Variants in RIOK2 observed in about 807,000 individuals in gnomAD.
RIOK2 encodes RIO kinase 2.
Under a neutral mutation model 62.4 loss-of-function variants are expected in RIOK2, and 46 were observed. That is an observed-to-expected ratio of 0.74 (90% CI 0.58 to 0.94). The LOEUF (loss-of-function observed/expected upper bound fraction) is 0.94, where lower values mean the gene tolerates loss of function less well. RIOK2 is among the 40% of genes least tolerant of loss of function. The pLI is 0.00. For synonymous variants in RIOK2, 197 were observed against 216.0 expected (o/e 0.91, Z 0.77); for missense variants, 574 against 658.0 (o/e 0.87, Z 1.40).
intron 4 of RIOK2, among the ~76,000 whole-genome samples, chr5:97,174,802 G>A (rs908563280): frequency 9.2e-5 from 14 of 152,108 alleles, no homozygotes; most frequent in African/African-American, 2.4e-5. Context: ...ACTTGCAGTG[G>A]TGGCTCACGC....
At position 97,177,794 on chromosome 5, in the gene RIOK2, GT is replaced by G. The variant is rs771040580; in HGVS notation, c.259del (p.Thr87HisfsTer7). ...NAGYDYLALK[T>X]LSSRQVVESV... ...CTCAACTACTTGCCTAGAAGAAAGT[GT>G]TTTCAAAGCTAGGTAATCATATCCT... On this transcript the variant is annotated frameshift_variant, in exon 3 of 10. Coordinates refer to ENST00000283109, the MANE Select transcript of RIOK2 (RefSeq NM_018343.3). LOFTEE classifies it high-confidence loss of function. 1.9e-6 allele frequency: 3 copies of G among 1,613,464 alleles called. No homozygotes were observed. The South Asian group carries it at 3.3e-5, about 18-fold the overall frequency.
intron 9 of RIOK2, among the ~76,000 whole-genome samples, chr5:97,164,060 CTT>C (rs893073859): frequency 2.6e-5 from 4 of 152,004 alleles, no homozygotes; most frequent in Non-Finnish European, 5.9e-5. Context: ...ACCTGGCTAA[CTT>C]TTAAATTTTT....
At chr5:97,167,303 T>G in intron 8 of RIOK2, 164 bp downstream of exon 8, 1 of 1,444,180 alleles carries the variant, frequency 6.9e-7, no homozygotes, top group Non-Finnish European at 9.1e-7. Flanking sequence ...AAGGAAGCTA[T>G]TTTGAGTTTT....
chr5:97,181,431 A>G (rs1319219497), intron 1 of RIOK2, among the ~76,000 whole-genome samples: 3 of 152,122 alleles, frequency 2.0e-5, no homozygotes, highest in African/African-American at 7.2e-5. Flanking sequence ...ATGGAAGAAA[A>G]GGAATGTTTG....
Position 97,162,798 on chromosome 5 carries a change from G to T in RIOK2, c.*263C>A. 2.8e-6 allele frequency: 1 copy of T among 359,166 alleles called. No homozygotes were observed. Among genetic ancestry groups the T allele is most frequent in the Non-Finnish European group, 5.0e-6 (1 of 200,502 alleles). 22.2% of individuals were successfully genotyped at this position (359,166 alleles called of 1,614,324 possible). ...TCAACAAACAGAAAACAACAAAAAT[G>T]TTATTTAGATTTTTAAAAATATGCA... On this transcript the variant is annotated 3_prime_UTR_variant, in exon 10 of 10. Coordinates refer to ENST00000283109, the MANE Select transcript of RIOK2 (RefSeq NM_018343.3).
At chr5:97,168,610 G>A (rs913811595) in intron 7 of RIOK2, 150 bp downstream of exon 7, 2 of 435,518 alleles carry the variant, frequency 4.6e-6, no homozygotes, top group Non-Finnish European at 8.3e-6. Context: ...AAGTTTTTAA[G>A]TTTCAGTTAT....
chr5:97,173,730 G>C (rs1027573198), intron 4 of RIOK2, among the ~76,000 whole-genome samples: 2 of 152,166 alleles, frequency 1.3e-5, no homozygotes, highest in African/African-American at 4.8e-5. Context: ...GGCATTCTAA[G>C]AGATCAGACA....
At chr5:97,180,946 G>C (rs1218874246) in intron 1 of RIOK2, among the ~76,000 whole-genome samples, 1 of 151,958 alleles carries the variant, frequency 6.6e-6, no homozygotes, top group African/African-American at 2.4e-5. Context: ...ATTGAATTTG[G>C]TTTGAGCACT....
chr5:97,166,160 A>G, intron 8 of RIOK2: 1 of 313,984 alleles, frequency 3.2e-6, no homozygotes, highest in South Asian at 2.9e-5. Context: ...TGTTGACTAC[A>G]GATCCTGGGA....
intron 4 of RIOK2, among the ~76,000 whole-genome samples, chr5:97,175,507 G>A (rs1374461646): frequency 6.6e-6 from 1 of 152,040 alleles, no homozygotes; most frequent in East Asian, 1.9e-4. Flanking sequence ...TAAATATCCT[G>A]AAAAACACCT....
chr5:97,179,658 TGCAGGGACATGGGTGAAG>T (rs1471947446), intron 1 of RIOK2, among the ~76,000 whole-genome samples: 1 of 151,814 alleles, frequency 6.6e-6, no homozygotes, highest in Non-Finnish European at 1.5e-5. Flanking sequence ...TCATGCCTTT[TGCAGGGACATGGGTGAAG>T]CTGGAAACCA....
rs374722406 is a variant in RIOK2 at position 97,165,035 on chromosome 5, T to C, written c.1494+16A>G. 6.5e-7 allele frequency: 1 copy of C among 1,526,730 alleles called. No homozygotes were observed. The highest frequency in any genetic ancestry group is 9.0e-7 in the Non-Finnish European group (1 of 1,112,336). 94.6% of individuals were successfully genotyped at this position (1,526,730 alleles called of 1,614,324 possible). On this transcript the variant is annotated intron_variant, in intron 9 of 9. Coordinates refer to ENST00000283109, the MANE Select transcript of RIOK2 (RefSeq NM_018343.3). ...TGATGTAATAAACATTCAGTACATG[T>C]TGAATGACTACTTACTGGAGGAATT...
intron 1 of RIOK2, among the ~76,000 whole-genome samples, chr5:97,182,329 C>G (rs1004146562): frequency 6.6e-6 from 1 of 152,222 alleles, no homozygotes; most frequent in Non-Finnish European, 1.5e-5. Flanking sequence ...TTTGCTCCAG[C>G]CACATTACAT....
chr5:97,180,005 T>TATATATA (rs1561522112), intron 1 of RIOK2, among the ~76,000 whole-genome samples: 5 of 27,454 alleles, frequency 1.8e-4, no homozygotes, highest in Non-Finnish European at 3.6e-4. Context: ...ATATATATAT[T>TATATATA]ATATATATAT....
intron 8 of RIOK2, chr5:97,166,602 G>A (rs1748846489): frequency 7.1e-6 from 2 of 281,290 alleles, no homozygotes; most frequent in Non-Finnish European, 1.1e-5. Flanking sequence ...TTAAGTTTTA[G>A]AACTTTTCCT....
chr5:97,182,420 T>C (rs1413587163), intron 1 of RIOK2, among the ~76,000 whole-genome samples: 1 of 152,196 alleles, frequency 6.6e-6, no homozygotes, highest in African/African-American at 2.4e-5. Flanking sequence ...TCCAACTCTT[T>C]CCAAGGACTT....
rs993973521 is a variant in RIOK2, at chr5:97,177,351, A to G, written c.323-60T>C. 2.9e-6 allele frequency: 4 copies of G among 1,394,578 alleles called. No homozygotes were observed. In the African/African-American group the frequency reaches 5.8e-5, roughly 20 times the overall value. 86.4% of individuals were successfully genotyped at this position (1,394,578 alleles called of 1,614,324 possible). On this transcript the variant is annotated intron_variant, in intron 3 of 9. Coordinates refer to ENST00000283109, the MANE Select transcript of RIOK2 (RefSeq NM_018343.3). ...ACGTTTATTCCAATCAGTTAAAACA[A>G]TTCTAACTTTCTCTAATTTTATTTG...
rs1214495282 is a variant in RIOK2 at position 97,177,745 on chromosome 5, A to C, written c.309T>G (p.Val103=). Reference sequence around the variant, plus strand: ...ATTAGCACTTACCTGATTCTTTGCCAACACCCATCTGGTTTCCAACAGACT... The same window carrying C: ...ATTAGCACTTACCTGATTCTTTGCCCACACCCATCTGGTTTCCAACAGACT... ...VVESVGNQMG[V]GKESDIYIVA... Residue 103 remains valine (V), a synonymous_variant, in exon 3 of 10, where the codon GTT becomes GTG. Coordinates refer to ENST00000283109, the MANE Select transcript of RIOK2 (RefSeq NM_018343.3). 1.2e-6 allele frequency: 2 copies of C among 1,603,028 alleles called. No homozygotes were observed. The highest frequency in any genetic ancestry group is 3.3e-5 in the Admixed American group (2 of 59,802).
intron 2 of RIOK2, 89 bp downstream of exon 2, chr5:97,178,966 G>A (rs1445114340): frequency 6.8e-7 from 1 of 1,465,830 alleles, no homozygotes; most frequent in Non-Finnish European, 9.5e-7. Flanking sequence ...TTACTAGTCT[G>A]GCAACTTCTA....
Sources: allele counts gnomAD v4.1 joint callset (sites outside exome capture counted in the v4.1 genomes callset), GRCh38; gene constraint gnomAD v4.1.1; transcripts MANE v1.5; gene names NCBI Gene and HGNC (gene_info 2026-07-23, HGNC 2026-07-21).